NT5C3A: variants seen among roughly 807,000 people sequenced by gnomAD.
The protein encoded by NT5C3A is 5'-nucleotidase, cytosolic IIIA.
In NT5C3A, 23 loss-of-function variants were observed where a neutral mutation model predicts 40.0. The ratio of observed to expected loss-of-function variants is 0.58; its 90% CI spans 0.41 to 0.81. The LOEUF is 0.81. Among genes scored for constraint, NT5C3A ranks in the 40% least tolerant of loss-of-function variants. The pLI is 0.00. For synonymous variants in NT5C3A, 130 were observed against 141.4 expected (o/e 0.92, Z 0.57); for missense variants, 328 against 403.0 (o/e 0.81, Z 1.59).
At chr7:33,051,139 C>CT (rs1787348009) in intron 1 of NT5C3A, among the ~76,000 whole-genome samples, 2 of 151,812 alleles carry the variant, frequency 1.3e-5, no homozygotes, top group South Asian at 4.2e-4. Context: ...TATGTAATAC[C>CT]TGAACTATTT....
chr7:33,042,801 T>G (rs1377339009), intron 1 of NT5C3A, among the ~76,000 whole-genome samples: 2 of 152,178 alleles, frequency 1.3e-5, no homozygotes, highest in African/African-American at 4.8e-5. Flanking sequence ...TACACAAAAC[T>G]TTAGCTGCCA....
At chr7:33,023,910 A>T (rs1416381303) in intron 3 of NT5C3A, 129 bp downstream of exon 3, 15 of 660,450 alleles carry the variant, frequency 2.3e-5, no homozygotes, top group Non-Finnish European at 4.1e-5. Flanking sequence ...AATAAGAAAA[A>T]GCAGGTCTCC....
chr7:33,026,089 G>A (rs1757287513), intron 2 of NT5C3A, among the ~76,000 whole-genome samples: 1 of 152,100 alleles, frequency 6.6e-6, no homozygotes, highest in Non-Finnish European at 1.5e-5. Context: ...TGGAAGCTGA[G>A]GAGGGAAAAC....
chr7:33,016,373 C>CAA (rs551075174), intron 7 of NT5C3A, among the ~76,000 whole-genome samples: 10 of 109,052 alleles, frequency 9.2e-5, no homozygotes, highest in South Asian at 5.8e-4. Context: ...GACTCTGTCT[C>CAA]AAAAAAAAAA....
Position 33,017,542 on chromosome 7 carries a change from A to T in NT5C3A, c.590T>A (p.Phe197Tyr). 3 of 1,613,940 alleles carry T rather than the reference A, an allele frequency of 1.9e-6. 1 individual carries two copies. In the South Asian group the frequency reaches 3.3e-5, roughly 18 times the overall value. ...TAGTACATCGCCGATTCCAGCCGAA[A>T]ATATGAACACGGGGATGCTATGTTG... ...LQQHSIPVFI[F>Y]SAGIGDVLEE... Residue 197 changes from phenylalanine to tyrosine, a missense_variant, in exon 7 of 9, where the codon TTT (phenylalanine) becomes TAT (tyrosine). Coordinates refer to ENST00000610140, the MANE Select transcript of NT5C3A (RefSeq NM_001002010.5).
intron 1 of NT5C3A, among the ~76,000 whole-genome samples, chr7:33,058,630 C>T (rs1006650028): frequency 1.4e-4 from 22 of 152,186 alleles, no homozygotes; most frequent in South Asian, 4.1e-4. Flanking sequence ...GGATTACAGG[C>T]GGGAGCCGCC....
chr7:33,031,608 A>AT (rs1391336007), intron 1 of NT5C3A, among the ~76,000 whole-genome samples: 2 of 152,070 alleles, frequency 1.3e-5, no homozygotes, highest in Non-Finnish European at 2.9e-5. Flanking sequence ...AAATAAATAA[A>AT]AAGATTTTGT....
At chr7:33,042,344 C>T (rs1047897928) in intron 1 of NT5C3A, among the ~76,000 whole-genome samples, 4 of 151,672 alleles carry the variant, frequency 2.6e-5, no homozygotes, top group South Asian at 2.1e-4. Flanking sequence ...AAACAAAAAA[C>T]AAAAAAACCC....
chr7:33,039,562 G>GT (rs770430109), intron 1 of NT5C3A, among the ~76,000 whole-genome samples: 3 of 120,514 alleles, frequency 2.5e-5, no homozygotes, highest in Admixed American at 2.1e-4. Flanking sequence ...TGGGTTTTTT[G>GT]TTTTTTTTTT....
At chr7:33,039,559 T>G (rs1302546353) in intron 1 of NT5C3A, among the ~76,000 whole-genome samples, 1 of 139,662 alleles carries the variant, frequency 7.2e-6, no homozygotes, top group East Asian at 2.0e-4. Context: ...GCTTGGGTTT[T>G]TTGTTTTTTT....
At chr7:33,053,368 A>C (rs1787447249) in intron 1 of NT5C3A, among the ~76,000 whole-genome samples, 1 of 152,048 alleles carries the variant, frequency 6.6e-6, no homozygotes. Flanking sequence ...TTGTATTTTT[A>C]GTAGAGACAG....
At chr7:33,046,307 TAGA>T (rs888673100) in intron 1 of NT5C3A, among the ~76,000 whole-genome samples, 8 of 151,974 alleles carry the variant, frequency 5.3e-5, no homozygotes, top group Admixed American at 3.3e-4. Context: ...GAAGTCGAGG[TAGA>T]AGGATTGCTT....
At position 33,026,922 on chromosome 7, in the gene NT5C3A, G is replaced by C; in HGVS notation, c.139-7C>G. On this transcript the variant is annotated splice_polypyrimidine_tract_variant and splice_region_variant and intron_variant, in intron 1 of 8. Coordinates refer to ENST00000610140, the MANE Select transcript of NT5C3A (RefSeq NM_001002010.5). ...TTTTCTGGAATTCTGGCATCTAAAA[G>C]TAAAAGAAAATTAATTAATTAGTTT... 1 of 1,589,642 alleles carries C rather than the reference G, an allele frequency of 6.3e-7. No homozygotes were observed. The highest frequency in any genetic ancestry group is 8.6e-7 in the Non-Finnish European group (1 of 1,159,864).
At chr7:33,053,424 G>C (rs1787448993) in intron 1 of NT5C3A, among the ~76,000 whole-genome samples, 1 of 152,108 alleles carries the variant, frequency 6.6e-6, no homozygotes, top group South Asian at 2.1e-4. Context: ...CTGACCTCAA[G>C]ATCTGCCCAC....
chr7:33,049,969 CAAAAAAAAA>C (rs61035673), intron 1 of NT5C3A, among the ~76,000 whole-genome samples: 1 of 58,462 alleles, frequency 1.7e-5, no homozygotes, highest in African/African-American at 5.5e-5. Flanking sequence ...GACTCCATCT[CAAAAAAAAA>C]AAAAAAAAAA....
In NT5C3A at chr7:33,014,503, T is replaced by TTTAAGA; in HGVS notation, c.*226_*227insTCTTAA. On this transcript the variant is annotated 3_prime_UTR_variant, in exon 9 of 9. Coordinates refer to ENST00000610140, the MANE Select transcript of NT5C3A (RefSeq NM_001002010.5). ...AGGGAGTTATTTTTCTAATTTTAGC[T>TTTAAGA]TTTTTTTTTTTTTAAATGGGTTAAA... 1.1e-5 allele frequency: 3 copies of TTTAAGA among 281,318 alleles called. No homozygotes were observed. The highest frequency in any genetic ancestry group is 1.2e-5 in the Non-Finnish European group (2 of 169,752). The allele number at this position is 281,318 out of a possible 1,614,324, so 17.4% of individuals were successfully genotyped here.
chr7:33,045,221 T>A (rs771373803), intron 1 of NT5C3A, among the ~76,000 whole-genome samples: 13 of 152,200 alleles, frequency 8.5e-5, no homozygotes, highest in Non-Finnish European at 1.6e-4. Context: ...AATTGCTGCA[T>A]GATGTAAATA....
intron 8 of NT5C3A, 103 bp downstream of exon 8, chr7:33,015,567 A>T (rs1008725390): frequency 2.2e-5 from 16 of 739,600 alleles, no homozygotes; most frequent in Non-Finnish European, 3.6e-5. Context: ...CAAAAAAAAA[A>T]GTCTCTAAAA....
intron 1 of NT5C3A, among the ~76,000 whole-genome samples, chr7:33,055,047 G>A (rs528363759): frequency 3.3e-5 from 5 of 152,206 alleles, no homozygotes; most frequent in East Asian, 1.9e-4. Flanking sequence ...ACATGCTATC[G>A]GGCATGGTGG....
Sources: allele counts gnomAD v4.1 joint callset (sites outside exome capture counted in the v4.1 genomes callset), GRCh38; gene constraint gnomAD v4.1.1; transcripts MANE v1.5; gene names NCBI Gene and HGNC (gene_info 2026-07-23, HGNC 2026-07-21).